Variants in TP63 observed in about 807,000 individuals in gnomAD.
TP63 encodes the protein tumor protein 63.
Under a neutral mutation model 82.8 loss-of-function variants are expected in TP63, and 17 were observed. The ratio of observed to expected loss-of-function variants is 0.21; its 90% CI spans 0.14 to 0.31. The LOEUF (loss-of-function observed/expected upper bound fraction) is 0.31, where lower values mean the gene tolerates loss of function less well. Among genes scored for constraint, TP63 ranks in the 10% least tolerant of loss-of-function variants. The probability of loss-of-function intolerance (pLI) is 1.00; values close to 1 mark genes in which losing one functional copy is unlikely to be tolerated. For synonymous variants in TP63, 330 were observed against 321.7 expected (o/e 1.03, Z -0.28); for missense variants, 648 against 895.3 (o/e 0.72, Z 3.52).
At chr3:189,890,639 T>A (rs1198336807) in intron 12 of TP63, 150 bp from the exon 13 acceptor site, 2 of 686,888 alleles carry the variant, frequency 2.9e-6, no homozygotes, top group Admixed American at 2.1e-5. Context: ...GACCTCAGAC[T>A]TAAGGCCCAC....
upstream of TP63, among the ~76,000 whole-genome samples, chr3:189,629,438 A>T (rs921802463): frequency 1.3e-5 from 2 of 152,176 alleles, no homozygotes; most frequent in African/African-American, 2.4e-5. Context: ...ATTAAATTTT[A>T]AAGACACAAC....
At position 189,792,180 on chromosome 3, in the gene TP63, G is replaced by A. The variant is rs113544096; in HGVS notation, c.325-16092G>A. On this transcript the variant is annotated intron_variant, in intron 3 of 13. Transcript: ENST00000264731. Reference sequence around the variant, plus strand: ...CCAACCCTTAGCAGATTTGGATTTGGGGGAGCTGCTAATTAACAGGAAATG... The same window carrying A: ...CCAACCCTTAGCAGATTTGGATTTGAGGGAGCTGCTAATTAACAGGAAATG... Among the ~76,000 whole-genome samples the A allele has an allele frequency of 3.6e-3, 543 of 152,010 alleles. 2 individuals are homozygous for A. The highest frequency in any genetic ancestry group is 0.01 in the Middle Eastern group (3 of 294).
At chr3:189,878,868 C>T (rs567990883) in intron 10 of TP63, among the ~76,000 whole-genome samples, 1 of 108,570 alleles carries the variant, frequency 9.2e-6, no homozygotes, top group Non-Finnish European at 1.9e-5. Flanking sequence ...ACCTTGTGAT[C>T]CCCCTGACCT....
At chr3:189,727,639 C>T (rs1719864928) in intron 1 of TP63, among the ~76,000 whole-genome samples, 1 of 152,204 alleles carries the variant, frequency 6.6e-6, no homozygotes, top group Admixed American at 6.5e-5. Context: ...AAGAAACCTC[C>T]TCTACAGGTT....
intron 3 of TP63, among the ~76,000 whole-genome samples, chr3:189,789,179 A>G (rs953935787): frequency 2.6e-5 from 4 of 152,042 alleles, no homozygotes; most frequent in African/African-American, 9.7e-5. Flanking sequence ...TTAATTTTTT[A>G]TATTGGTTAA....
intron 3 of TP63, among the ~76,000 whole-genome samples, chr3:189,795,573 G>A (rs1576974929): frequency 6.6e-6 from 1 of 152,042 alleles, no homozygotes; most frequent in East Asian, 1.9e-4. Flanking sequence ...AAATACAAGG[G>A]AGGACTGTGC....
rs35503756 is a variant in TP63 at position 189,891,023 on chromosome 3, A to G, written c.1746+141A>G. ...ATTATCCATTTTGATAGAACCCATA[A>G]CTATGTTAGAAAGATTCCCAGGCCT... is the stretch of plus-strand genomic sequence containing the variant. On this transcript the variant is annotated intron_variant, in intron 13 of 13. Coordinates refer to ENST00000264731, the MANE Select transcript of TP63 (RefSeq NM_003722.5). The G allele has an allele frequency of 4.5e-3, 3,361 of 747,194 alleles. 40 individuals are homozygous for G. The highest frequency in any genetic ancestry group is 0.022 in the South Asian group (1,356 of 62,384). The allele number at this position is 747,194 out of a possible 1,614,324, so 46.3% of individuals were successfully genotyped here. A position where few individuals can be genotyped will look rare whatever the true frequency, so the allele number is the denominator to read the frequency against.
intron 3 of TP63, among the ~76,000 whole-genome samples, chr3:189,770,543 C>A (rs1381767368): frequency 1.4e-5 from 2 of 148,136 alleles, no homozygotes; most frequent in African/African-American, 5.1e-5. Context: ...CCAGCCTGGC[C>A]AACAGAGCAA....
intron 1 of TP63, among the ~76,000 whole-genome samples, chr3:189,710,484 T>C (rs1448212840): frequency 1.3e-5 from 2 of 150,570 alleles, no homozygotes; most frequent in African/African-American, 4.8e-5. Flanking sequence ...GTTAGCCAAA[T>C]AGATTTTTTT....
intron 3 of TP63, among the ~76,000 whole-genome samples, chr3:189,771,666 C>T (rs1440382490): frequency 1.3e-5 from 2 of 151,466 alleles, no homozygotes; most frequent in African/African-American, 4.9e-5. Context: ...GCACACGTGG[C>T]AGTATAAGTA....
chr3:189,670,664 G>A (rs1241441333), intron 1 of TP63, among the ~76,000 whole-genome samples: 1 of 152,016 alleles, frequency 6.6e-6, no homozygotes, highest in East Asian at 1.9e-4. Flanking sequence ...ATGCTACAAA[G>A]CATTAGTAAC....
chr3:189,856,907 C>T (rs185391627), intron 4 of TP63, among the ~76,000 whole-genome samples: 117 of 152,124 alleles, frequency 7.7e-4, no homozygotes, highest in Non-Finnish European at 1.6e-4. Context: ...ATCATATGCT[C>T]ATGGTTTAAA....
Position 189,792,180 on chromosome 3 carries a change from G to T in TP63, c.325-16092G>T, listed in dbSNP as rs113544096. 1.4e-3 allele frequency among the ~76,000 whole-genome samples: 217 copies of T among 152,010 alleles called. 1 individual carries two copies. Among genetic ancestry groups the T allele is most frequent in the African/African-American group, 5.2e-3 (215 of 41,468 alleles). ...CCAACCCTTAGCAGATTTGGATTTG[G>T]GGGAGCTGCTAATTAACAGGAAATG... On this transcript the variant is annotated intron_variant, in intron 3 of 13. Coordinates refer to ENST00000264731, the MANE Select transcript of TP63 (RefSeq NM_003722.5).
intron 1 of TP63, among the ~76,000 whole-genome samples, chr3:189,685,060 A>G (rs1052687230): frequency 3.9e-5 from 6 of 152,232 alleles, no homozygotes; most frequent in African/African-American, 1.4e-4. Context: ...TAGACAAACC[A>G]TAAATGAGAA....
intron 1 of TP63, among the ~76,000 whole-genome samples, chr3:189,698,130 A>G (rs1315442882): frequency 6.6e-6 from 1 of 152,136 alleles, no homozygotes; most frequent in East Asian, 1.9e-4. Context: ...TTTAAGAAGC[A>G]TCCAGTTTCG....
chr3:189,816,476 T>G (rs984077754), intron 4 of TP63, among the ~76,000 whole-genome samples: 1 of 152,166 alleles, frequency 6.6e-6, no homozygotes. Context: ...GGCCGATGTA[T>G]GTTTCTCATG....
rs11364874 is a variant in TP63 at position 189,881,950 on chromosome 3, AT to A, written c.1350-4433del. On this transcript the variant is annotated intron_variant, in intron 10 of 13. Transcript: ENST00000264731. ...AATCAACAGTGGAACCTATTGTCCA[AT>A]TTTTTTTTTTACTTATGTTTTGAGC... 5.9e-3 allele frequency among the ~76,000 whole-genome samples: 850 copies of A among 144,918 alleles called. 5 individuals carry two copies. The highest frequency in any genetic ancestry group is 0.018 in the African/African-American group (704 of 39,650).
Position 189,889,398 on chromosome 3 carries a change from C to G in TP63, c.1566C>G (p.Thr522=). ...MAGDMNGLSP[T]QALPPPLSMP... is the part of the protein sequence containing the mutation. ...GAGACATGAATGGACTCAGCCCCAC[C>G]CAGGCACTCCCTCCCCCACTCTCCA... is the stretch of plus-strand genomic sequence containing the variant. Residue 522 remains threonine, a synonymous_variant, in exon 12 of 14, where the codon ACC becomes ACG. Coordinates refer to ENST00000264731, the MANE Select transcript of TP63 (RefSeq NM_003722.5). 6.2e-7 allele frequency: 1 copy of G among 1,614,154 alleles called. No homozygotes were observed. The highest frequency in any genetic ancestry group is 8.5e-7 in the Non-Finnish European group (1 of 1,180,008).
At chr3:189,845,724 C>G (rs1188978157) in intron 4 of TP63, among the ~76,000 whole-genome samples, 1 of 147,444 alleles carries the variant, frequency 6.8e-6, no homozygotes, top group Non-Finnish European at 1.5e-5. Context: ...GCTACTCTAT[C>G]TAGTTGCCTT....
Sources: gnomAD v4.1 joint callset for allele counts (sites outside exome capture counted in the v4.1 genomes callset) on GRCh38, gnomAD v4.1.1 for gene constraint, MANE v1.5 for transcripts, NCBI Gene and HGNC (gene_info 2026-07-23, HGNC 2026-07-21) for gene names.